The following PIP4K2A variants were observed in gnomAD, a reference collection of about 807,000 sequenced individuals.
PIP4K2A encodes phosphatidylinositol-5-phosphate 4-kinase type 2 alpha.
Under a neutral mutation model 42.9 loss-of-function variants are expected in PIP4K2A, and 14 were observed. The ratio of observed to expected loss-of-function variants is 0.33; its 90% confidence interval spans 0.22 to 0.51. The LOEUF is 0.51. Ranked by LOEUF, PIP4K2A falls within the 20% of genes least tolerant of loss-of-function variation. The pLI is 0.97. For missense variants in PIP4K2A, 434 were observed against 519.8 expected, an observed-to-expected ratio of 0.83 and a Z score of 1.61; for synonymous variants, 192 against 192.2, an observed-to-expected ratio of 1.00 and a Z score of 0.01.
Position 22,591,777 on chromosome 10 carries a change from G to C in PIP4K2A, c.344C>G (p.Ser115Cys). The change falls in exon 4 of 10, where the codon TCC (serine) becomes TGC (cysteine). Residue 115 changes from serine (S) to cysteine (C), a missense_variant. Physicochemically the swap from Ser to Cys is moderately radical, Grantham distance 112. Around this residue, in one of 2 missense-constraint regions of PIP4K2A, gnomAD observed 395 missense variants for 444.5 expected, o/e 0.89. Coordinates refer to ENST00000376573, the MANE Select transcript of PIP4K2A (RefSeq NM_005028.5). The stretch of plus-strand genomic sequence containing the variant: ...GGGGAGGGGTGCGCTCCTGGTCAGG[G>C]AATTCTTCCCGGGTGGGGTAAGAGG... Reference protein sequence around the residue: ...FGIDDQDFQNSLTRSAPLPND... With the variant: ...FGIDDQDFQNCLTRSAPLPND... 6.2e-7 allele frequency: 1 copy of C among 1,609,372 alleles called. No individual in the cohort carries two copies. The highest frequency in any genetic ancestry group is 1.1e-5 in the South Asian group (1 of 90,162).
At chr10:22,549,623 C>T (rs1476388392) in intron 7 of PIP4K2A, among the ~76,000 whole-genome samples, 3 of 151,658 alleles carry the variant, frequency 2.0e-5, no homozygotes, top group South Asian at 2.1e-4. Flanking sequence ...GGGTGGATCA[C>T]GAGGTCAGGA....
chr10:22,694,385 C>A (rs1402507368), intron 1 of PIP4K2A: 1 of 152,132 alleles, frequency 6.6e-6, no homozygotes, highest in Non-Finnish European at 1.5e-5. Flanking sequence ...TCAATTTATT[C>A]ATGTAGGGCT....
At chr10:22,582,057 G>A (rs1487114029) in intron 4 of PIP4K2A, among the ~76,000 whole-genome samples, 3 of 151,858 alleles carry the variant, frequency 2.0e-5, no homozygotes, top group African/African-American at 7.3e-5. Flanking sequence ...AGCTGTGTTT[G>A]CGCCACTGTA....
At chr10:22,622,208 G>GT (rs1838346484) in intron 1 of PIP4K2A, among the ~76,000 whole-genome samples, 4 of 152,204 alleles carry the variant, frequency 2.6e-5, no homozygotes, top group Non-Finnish European at 5.9e-5. Flanking sequence ...AGACAGAAGA[G>GT]GAGACAAAGC....
In PIP4K2A at chr10:22,536,200, C is replaced by T. The variant is rs1835913281; in HGVS notation, c.*1001G>A. 2.5e-6 allele frequency: 1 copy of T among 398,396 alleles called. No homozygotes were observed. The highest frequency in any genetic ancestry group is 4.4e-6 in the Non-Finnish European group (1 of 225,980). The allele number at this position is 398,396 out of a possible 1,614,324, so 24.7% of individuals were successfully genotyped here. On this transcript the variant is annotated 3_prime_UTR_variant, in exon 10 of 10. Transcript: ENST00000376573. ...ATAAACATCTTATAATTCAGATCTG[C>T]ATTTGGTAACAGGAGAATTGAGAGT...
At position 22,607,290 on chromosome 10, in the gene PIP4K2A, T is replaced by G. The variant is rs534159699; in HGVS notation, c.339+637A>C. Among the ~76,000 whole-genome samples, 42 of 152,320 alleles carry G rather than the reference T, an allele frequency of 2.8e-4. 1 individual carries two copies. Among genetic ancestry groups the G allele is most frequent in the Admixed American group, 9.8e-4 (15 of 15,298 alleles). On this transcript the variant is annotated intron_variant, in intron 3 of 9. Coordinates refer to ENST00000376573, the MANE Select transcript of PIP4K2A (RefSeq NM_005028.5). Reference sequence around the variant, plus strand: ...TAAAACAGATGTTTAAAAGTTAGAATGAAGGACCAGGCCAGTGTGGGGAGG... The same window carrying G: ...TAAAACAGATGTTTAAAAGTTAGAAGGAAGGACCAGGCCAGTGTGGGGAGG...
chr10:22,585,936 C>A (rs139170433), intron 4 of PIP4K2A, among the ~76,000 whole-genome samples: 17 of 151,740 alleles, frequency 1.1e-4, no homozygotes, highest in African/African-American at 3.9e-4. Flanking sequence ...CTACATGATA[C>A]CAAAGCTCCC....
chr10:22,646,373 T>A (rs1838881873), intron 1 of PIP4K2A: 1 of 152,242 alleles, frequency 6.6e-6, no homozygotes, highest in Admixed American at 6.5e-5. Context: ...GGCCTTTTGC[T>A]GCATTTTTAT....
chr10:22,591,857 A>C, intron 3 of PIP4K2A, 76 bp from the exon 4 acceptor site: 1 of 1,260,182 alleles, frequency 7.9e-7, no homozygotes, highest in Non-Finnish European at 1.1e-6. Flanking sequence ...CGATTCCCAG[A>C]TAATTTGTCA....
chr10:22,540,384 C>T (rs574270491), intron 8 of PIP4K2A, among the ~76,000 whole-genome samples: 20 of 150,460 alleles, frequency 1.3e-4, no homozygotes, highest in Non-Finnish European at 2.8e-4. Context: ...TTTTAATTTG[C>T]ATTTTCTTTA....
intron 6 of PIP4K2A, among the ~76,000 whole-genome samples, chr10:22,558,279 C>T (rs1048459682): frequency 6.6e-6 from 1 of 152,128 alleles, no homozygotes; most frequent in African/African-American, 2.4e-5. Context: ...CCCCTTTTGC[C>T]GTGCTTGCAA....
intron 1 of PIP4K2A, among the ~76,000 whole-genome samples, chr10:22,613,537 A>G (rs1209330358): frequency 1.3e-5 from 2 of 152,038 alleles, no homozygotes; most frequent in African/African-American, 2.4e-5. Flanking sequence ...ACTGGCTCCT[A>G]TTTTCTCTGG....
chr10:22,668,280 A>C (rs1839387532), intron 1 of PIP4K2A, among the ~76,000 whole-genome samples: 1 of 152,170 alleles, frequency 6.6e-6, no homozygotes, highest in Non-Finnish European at 1.5e-5. Flanking sequence ...TGGTCTTTAA[A>C]ATTCCCTGCA....
In PIP4K2A at chr10:22,591,733, T is replaced by C. The variant is rs775893766; in HGVS notation, c.388A>G (p.Ser130Gly). 4 of 1,613,500 alleles carry C rather than the reference T, an allele frequency of 2.5e-6. No individual in the cohort carries two copies. In the African/African-American group the frequency reaches 4.0e-5, roughly 16 times the overall value. ...APLPNDSQAR[S>G]GARFHTSYDK... is the part of the protein sequence containing the mutation. Reference sequence around the variant, plus strand: ...TAGGAAGTGTGAAAACGAGCTCCACTGCGGGCCTGGGAGTCGTTGGGGAGG... The same window carrying C: ...TAGGAAGTGTGAAAACGAGCTCCACCGCGGGCCTGGGAGTCGTTGGGGAGG... Residue 130 changes from serine to glycine, a missense_variant, in exon 4 of 10, where the codon AGT becomes GGT. Transcript: ENST00000376573.
chr10:22,649,680 T>G (rs977264779), intron 1 of PIP4K2A, among the ~76,000 whole-genome samples: 4 of 152,168 alleles, frequency 2.6e-5, no homozygotes, highest in Admixed American at 1.3e-4. Context: ...GGGAGGGGCA[T>G]GCTCCCTCAG....
At chr10:22,645,005 C>T (rs941637195) in intron 1 of PIP4K2A, among the ~76,000 whole-genome samples, 19 of 152,182 alleles carry the variant, frequency 1.2e-4, no homozygotes, top group Non-Finnish European at 4.4e-5. Flanking sequence ...CTGCCTACCC[C>T]CTTCCCCCTA....
intron 1 of PIP4K2A, among the ~76,000 whole-genome samples, chr10:22,648,435 C>A (rs1838928945): frequency 6.6e-6 from 1 of 152,162 alleles, no homozygotes; most frequent in South Asian, 2.1e-4. Context: ...TTCCATGGGA[C>A]AACTTCATTA....
At chr10:22,644,006 C>G (rs1713949485) in intron 1 of PIP4K2A, among the ~76,000 whole-genome samples, 1 of 152,178 alleles carries the variant, frequency 6.6e-6, no homozygotes, top group Admixed American at 6.5e-5. Context: ...TAGCCCTAAT[C>G]TCTCCACTGA....
At chr10:22,608,903 C>G (rs1837967724) in intron 2 of PIP4K2A, among the ~76,000 whole-genome samples, 1 of 148,734 alleles carries the variant, frequency 6.7e-6, no homozygotes, top group African/African-American at 2.4e-5. Flanking sequence ...ATGATCCTCA[C>G]ATGGGAGTGA....
Sources: gnomAD v4.1 joint callset for allele counts (sites outside exome capture counted in the v4.1 genomes callset) on GRCh38, gnomAD v4.1.1 for gene constraint, gnomAD v4.1.1 regional missense constraint, MANE v1.5 for transcripts, NCBI Gene and HGNC (gene_info 2026-07-23, HGNC 2026-07-21) for gene names.